LRRC42: variants seen among roughly 807,000 people sequenced by gnomAD.
LRRC42 encodes leucine-rich repeat-containing protein 42.
In LRRC42, 43 loss-of-function variants were observed where a neutral mutation model predicts 44.3. That is an observed-to-expected ratio of 0.97 (90% CI 0.76 to 1.25). The LOEUF is 1.25. LRRC42 is among the 50% of genes most tolerant of loss of function. The probability of loss-of-function intolerance (pLI) is 0.00; values close to 1 mark genes in which losing one functional copy is unlikely to be tolerated. For synonymous variants in LRRC42, 207 were observed against 195.2 expected, an observed-to-expected ratio of 1.06 and a Z score of -0.50; for missense variants, 540 against 509.1, an observed-to-expected ratio of 1.06 and a Z score of -0.58.
chr1:53,963,066 C>T (rs1474588665), intron 7 of LRRC42, among the ~76,000 whole-genome samples: 1 of 152,112 alleles, frequency 6.6e-6, no homozygotes, highest in Admixed American at 6.5e-5. Flanking sequence ...TGGGGCCTTT[C>T]TCCCTTAGAT....
In LRRC42 at chr1:53,952,158, G is replaced by C. The variant is rs12026856; in HGVS notation, c.159G>C (p.Val53=). The C allele has an allele frequency of 3.7e-6, 6 of 1,614,196 alleles. No individual in the cohort carries two copies. In the East Asian group the frequency reaches 1.1e-4, roughly 30 times the overall value. The change falls in exon 3 of 9, where the codon GTG becomes GTC. Residue 53 remains valine, a synonymous_variant. Transcript: ENST00000371370. ...GACTGTTCCCCAAAGGCTTTTCTGT[G>C]GAGCTTTGCATGAACAGGGAAGACG... ...PFRLFPKGFS[V]ELCMNREDDT...
At chr1:53,961,712 T>C (rs141591438) in intron 5 of LRRC42, among the ~76,000 whole-genome samples, 109 of 152,318 alleles carry the variant, frequency 7.2e-4, no homozygotes, top group African/African-American at 2.5e-3. Flanking sequence ...TGATAAACCA[T>C]TGTAATACAT....
At chr1:53,953,342 T>C (rs76116346) in intron 3 of LRRC42, among the ~76,000 whole-genome samples, 2,527 of 152,336 alleles carry the variant, frequency 0.017, 38 homozygotes, top group Non-Finnish European at 0.024. Context: ...AAATCATTTA[T>C]CATCAATACT....
chr1:53,962,462 A>G (rs1011433035), intron 7 of LRRC42, 53 bp downstream of exon 7: 1 of 1,102,362 alleles, frequency 9.1e-7, no homozygotes, highest in Admixed American at 1.8e-5. Context: ...TCTTAATTCC[A>G]AGTGTCTTAT....
chr1:53,963,371 T>TA (rs1175800892), intron 7 of LRRC42, among the ~76,000 whole-genome samples: 1 of 152,236 alleles, frequency 6.6e-6, no homozygotes, highest in Non-Finnish European at 1.5e-5. Flanking sequence ...GGGATGGTCT[T>TA]ACAAAGGCTT....
In LRRC42 at chr1:53,963,233, G is replaced by A. The variant is rs12073444; in HGVS notation, c.927+824G>A. Among the ~76,000 whole-genome samples the A allele has an allele frequency of 6.7e-3, 1,023 of 152,284 alleles. 8 individuals are homozygous for A. The highest frequency in any genetic ancestry group is 0.023 in the African/African-American group (966 of 41,542). On this transcript the variant is annotated intron_variant, in intron 7 of 8. Coordinates refer to ENST00000371370, the MANE Select transcript of LRRC42 (RefSeq NM_001256409.2). ...AGGTAAGCAGGGAGACTGCTGAGTCGTGTTTCAGAAGCACACTGAGCTTGG... is the reference window on the plus strand; with the variant it reads ...AGGTAAGCAGGGAGACTGCTGAGTCATGTTTCAGAAGCACACTGAGCTTGG...
In LRRC42 at chr1:53,967,730, TC is replaced by T. The variant is rs747493961; in HGVS notation, c.1080del (p.Glu361ArgfsTer18). 74 of 1,614,006 alleles carry T rather than the reference TC, an allele frequency of 4.6e-5. No individual in the cohort carries two copies. The highest frequency in any genetic ancestry group is 6.1e-5 in the Non-Finnish European group (72 of 1,180,032). ...CPLADTHMNS[S>X]EKLQFYKEKA... ...CCTGGCAGACACCCACATGAACTCT[TC>T]CGAGAAACTCCAGTTCTATAAAGAG... On this transcript the variant is annotated frameshift_variant, in exon 9 of 9. Transcript: ENST00000371370. LOFTEE classifies it high-confidence loss of function.
chr1:53,953,477 C>T lies in LRRC42; in HGVS notation c.473+1005C>T, dbSNP rs182133268. Among the ~76,000 whole-genome samples, 828 of 152,280 alleles carry T rather than the reference C, an allele frequency of 5.4e-3. 2 individuals are homozygous for T. The highest frequency in any genetic ancestry group is 0.014 in the Middle Eastern group (4 of 294). On this transcript the variant is annotated intron_variant, in intron 3 of 8. Transcript: ENST00000371370. Reference sequence around the variant, plus strand: ...CCTGGTTCAAGCAATTCGCCTGCCTCAGCCTCCCGAGTAGCTGGGATTACA... The same window carrying T: ...CCTGGTTCAAGCAATTCGCCTGCCTTAGCCTCCCGAGTAGCTGGGATTACA...
rs1246485392 is a variant in LRRC42 at position 53,958,133 on chromosome 1, T to C, written c.474-16T>C. On this transcript the variant is annotated splice_polypyrimidine_tract_variant and intron_variant, in intron 3 of 8. Coordinates refer to ENST00000371370, the MANE Select transcript of LRRC42 (RefSeq NM_001256409.2). ...GTAGTGAGGGGAAGCTATTGATTGC[T>C]CTCCACGCTCCGTAGGTATCTCGTG... The C allele has an allele frequency of 2.5e-6, 4 of 1,613,188 alleles. No individual in the cohort carries two copies. Among genetic ancestry groups the C allele is most frequent in the Non-Finnish European group, 2.5e-6 (3 of 1,179,422 alleles).
At chr1:53,948,593 G>A (rs192242456) in intron 2 of LRRC42, among the ~76,000 whole-genome samples, 45 of 152,254 alleles carry the variant, frequency 3.0e-4, no homozygotes, top group African/African-American at 1.1e-3. Context: ...TCAAAATGTC[G>A]CTGTTACTCT....
chr1:53,958,850 T>C (rs1184233240), intron 4 of LRRC42, among the ~76,000 whole-genome samples: 2 of 152,050 alleles, frequency 1.3e-5, no homozygotes, highest in Non-Finnish European at 2.9e-5. Flanking sequence ...CCTCCCAAAG[T>C]GCTGGGATTA....
At chr1:53,961,410 C>CA (rs35356994) in intron 5 of LRRC42, among the ~76,000 whole-genome samples, 6,152 of 137,804 alleles carry the variant, frequency 0.045, 349 homozygotes, top group African/African-American at 0.14. Flanking sequence ...GACTCTGTCT[C>CA]AAAAAAAAAA....
intron 8 of LRRC42, 63 bp downstream of exon 8, chr1:53,966,443 T>C: frequency 1.8e-6 from 2 of 1,130,926 alleles, no homozygotes; most frequent in Non-Finnish European, 2.7e-6. Context: ...AGCAGTTCGC[T>C]TGTTTTCCCT....
At chr1:53,951,873 C>T in intron 2 of LRRC42, 113 bp from the exon 3 acceptor site, 1 of 873,712 alleles carries the variant, frequency 1.1e-6, no homozygotes, top group Non-Finnish European at 1.7e-6. Context: ...TTTCCTAAAC[C>T]AGCCACCAGG....
intron 7 of LRRC42, among the ~76,000 whole-genome samples, chr1:53,964,424 C>T (rs1223349876): frequency 6.6e-6 from 1 of 152,150 alleles, no homozygotes; most frequent in African/African-American, 2.4e-5. Flanking sequence ...TCCCAAGTAT[C>T]CTCTGTAAAT....
chr1:53,962,034 G>C lies in LRRC42; in HGVS notation c.725G>C (p.Cys242Ser). The C allele has an allele frequency of 6.2e-7, 1 of 1,608,608 alleles. No homozygotes were observed. The highest frequency in any genetic ancestry group is 8.5e-7 in the Non-Finnish European group (1 of 1,176,436). ...LENLTLLDLS[C>S]NPEITDAGIG... The stretch of plus-strand genomic sequence containing the variant: ...ATGCTACGTTGTTTTTGACATCTAG[G>C]TAACCCTGAGATCACAGATGCAGGC... Residue 242 changes from cysteine to serine, a missense_variant and splice_region_variant, in exon 6 of 9, where the codon TGT (cysteine) becomes TCT (serine). Coordinates refer to ENST00000371370, the MANE Select transcript of LRRC42 (RefSeq NM_001256409.2).
In LRRC42 at chr1:53,968,044, A is replaced by T. The variant is rs577297464; in HGVS notation, c.*105A>T. On this transcript the variant is annotated 3_prime_UTR_variant, in exon 9 of 9. Coordinates refer to ENST00000371370, the MANE Select transcript of LRRC42 (RefSeq NM_001256409.2). ...GTTTGAATTTACCTATGGCATTAGC[A>T]TAGTAAGCAGATATTTCTACTTTTG... 2.5e-6 allele frequency: 3 copies of T among 1,189,964 alleles called. No homozygotes were observed. In the South Asian group the frequency reaches 4.5e-5, roughly 18 times the overall value. 73.7% of individuals were successfully genotyped at this position (1,189,964 alleles called of 1,614,324 possible).
At chr1:53,951,585 C>G (rs561698674) in intron 2 of LRRC42, among the ~76,000 whole-genome samples, 2 of 152,118 alleles carry the variant, frequency 1.3e-5, no homozygotes, top group African/African-American at 4.8e-5. Context: ...CTACCACGCT[C>G]GGCTAATTTT....
chr1:53,958,307 G>T, intron 4 of LRRC42, 27 bp downstream of exon 4: 2 of 1,611,388 alleles, frequency 1.2e-6, no homozygotes, highest in Non-Finnish European at 1.7e-6. Flanking sequence ...ACTTGCAGAT[G>T]AATTGTTTCA....
Sources: gnomAD v4.1 joint callset for allele counts (sites outside exome capture counted in the v4.1 genomes callset) on GRCh38, gnomAD v4.1.1 for gene constraint, MANE v1.5 for transcripts, NCBI Gene and HGNC (gene_info 2026-07-23, HGNC 2026-07-21) for gene names.